Variants in PRKAR2B observed in about 807,000 individuals in gnomAD.
PRKAR2B encodes the protein protein kinase cAMP-dependent type II regulatory subunit beta.
Under a neutral mutation model 49.9 loss-of-function variants are expected in PRKAR2B, and 14 were observed. That is an observed-to-expected ratio of 0.28 (90% CI 0.19 to 0.44). The LOEUF (loss-of-function observed/expected upper bound fraction) is 0.44, where lower values mean the gene tolerates loss of function less well. PRKAR2B is among the 20% of genes least tolerant of loss of function. The pLI is 1.00. For synonymous variants in PRKAR2B, 196 were observed against 197.7 expected, an observed-to-expected ratio of 0.99 and a Z score of 0.07; for missense variants, 393 against 537.9, an observed-to-expected ratio of 0.73 and a Z score of 2.67.
intron 1 of PRKAR2B, 175 bp from the exon 2 acceptor site, chr7:107,070,106 A>G (rs1265118457): frequency 1.7e-5 from 8 of 477,816 alleles, no homozygotes; most frequent in South Asian, 3.0e-5. Flanking sequence ...ATTTATATTT[A>G]TTTGATTATT....
intron 5 of PRKAR2B, 136 bp downstream of exon 5, chr7:107,141,089 G>A (rs1795783324): frequency 1.7e-6 from 1 of 580,760 alleles, no homozygotes; most frequent in Non-Finnish European, 3.0e-6. Context: ...AATAGGCACT[G>A]TAAACCTGTT....
At chr7:107,127,491 C>T (rs1173571211) in intron 3 of PRKAR2B, among the ~76,000 whole-genome samples, 1 of 152,254 alleles carries the variant, frequency 6.6e-6, no homozygotes, top group Non-Finnish European at 1.5e-5. Flanking sequence ...TTCTGCCACT[C>T]TTCACACTCT....
chr7:107,108,277 A>G (rs977970940), intron 2 of PRKAR2B, among the ~76,000 whole-genome samples: 11 of 152,232 alleles, frequency 7.2e-5, no homozygotes, highest in African/African-American at 2.7e-4. Flanking sequence ...AGAGGATTCA[A>G]AACAGACTAG....
chr7:107,067,448 T>C (rs1170263498), intron 1 of PRKAR2B: 1 of 152,202 alleles, frequency 6.6e-6, no homozygotes, highest in Non-Finnish European at 1.5e-5. Context: ...TCTTCTTAAC[T>C]GTCCAATCCT....
chr7:107,059,887 C>A (rs750136801), intron 1 of PRKAR2B, among the ~76,000 whole-genome samples: 11 of 151,922 alleles, frequency 7.2e-5, no homozygotes, highest in Non-Finnish European at 1.3e-4. Context: ...ATGCTCTCAG[C>A]GTGATAGCTT....
chr7:107,153,773 G>A (rs779606859), intron 8 of PRKAR2B, among the ~76,000 whole-genome samples: 1 of 152,214 alleles, frequency 6.6e-6, no homozygotes, highest in Non-Finnish European at 1.5e-5. Flanking sequence ...CTGGGTTGGA[G>A]TAGGGCTACC....
intron 1 of PRKAR2B, among the ~76,000 whole-genome samples, chr7:107,060,863 T>C (rs1439869507): frequency 6.6e-6 from 1 of 152,194 alleles, no homozygotes; most frequent in African/African-American, 2.4e-5. Flanking sequence ...GTAATCTCTT[T>C]ATTTTCCTGC....
chr7:107,095,617 C>G (rs914058152), intron 2 of PRKAR2B, among the ~76,000 whole-genome samples: 1 of 152,160 alleles, frequency 6.6e-6, no homozygotes, highest in Non-Finnish European at 1.5e-5. Context: ...TTTGCCCATT[C>G]AGTATGATAT....
intron 1 of PRKAR2B, among the ~76,000 whole-genome samples, chr7:107,059,580 G>A (rs912990662): frequency 6.6e-6 from 1 of 152,038 alleles, no homozygotes; most frequent in East Asian, 1.9e-4. Flanking sequence ...TAGTTCTCTA[G>A]TTCATTTATT....
intron 2 of PRKAR2B, among the ~76,000 whole-genome samples, chr7:107,118,611 T>G (rs546159911): frequency 2.0e-5 from 3 of 152,254 alleles, no homozygotes; most frequent in Admixed American, 1.3e-4. Context: ...TGCAGTGTGG[T>G]AAATGACAAT....
intron 2 of PRKAR2B, among the ~76,000 whole-genome samples, chr7:107,111,806 C>T (rs905201445): frequency 6.6e-6 from 1 of 151,308 alleles, no homozygotes; most frequent in African/African-American, 2.4e-5. Flanking sequence ...CTAAACTGAC[C>T]CCTCTGTTCC....
At chr7:107,142,496 G>T (rs780918179) in intron 5 of PRKAR2B, among the ~76,000 whole-genome samples, 1 of 152,186 alleles carries the variant, frequency 6.6e-6, no homozygotes, top group African/African-American at 2.4e-5. Flanking sequence ...TAACCATTTA[G>T]TGGGGATTTT....
chr7:107,065,330 G>A lies in PRKAR2B; in HGVS notation c.308-4951G>A, dbSNP rs1271898508. On this transcript the variant is annotated intron_variant, in intron 1 of 10. Transcript: ENST00000265717. ...TTGCTCGGGGTGTGTGTATGTGTGTGTGTGTGTGTGTGTGTGTGTGTGTGT... is the reference window on the plus strand; with the variant it reads ...TTGCTCGGGGTGTGTGTATGTGTGTATGTGTGTGTGTGTGTGTGTGTGTGT... 0.011 allele frequency among the ~76,000 whole-genome samples: 175 copies of A among 16,168 alleles called. 4 individuals are homozygous for A. In the African/African-American group the frequency reaches 0.11, roughly 10 times the overall value. The allele number at this position is 16,168 out of a possible 152,430, so 10.6% of individuals were successfully genotyped here.
intron 5 of PRKAR2B, among the ~76,000 whole-genome samples, chr7:107,144,349 G>A (rs1449631513): frequency 6.6e-6 from 1 of 151,856 alleles, no homozygotes; most frequent in Non-Finnish European, 1.5e-5. Flanking sequence ...GCCTCCTAAA[G>A]TTCTGGGATT....
chr7:107,122,066 A>G, intron 3 of PRKAR2B, 62 bp downstream of exon 3: 1 of 1,148,738 alleles, frequency 8.7e-7, no homozygotes. Context: ...TAAGGAAAAT[A>G]ATCATAGAAA....
chr7:107,123,310 GTGTT>G (rs1795421662), intron 3 of PRKAR2B, among the ~76,000 whole-genome samples: 1 of 152,202 alleles, frequency 6.6e-6, no homozygotes, highest in South Asian at 2.1e-4. Flanking sequence ...GGTAAATAAA[GTGTT>G]TTGGCAGGTT....
chr7:107,054,195 C>G (rs951872658), intron 1 of PRKAR2B, among the ~76,000 whole-genome samples: 11 of 151,848 alleles, frequency 7.2e-5, no homozygotes, highest in African/African-American at 2.7e-4. Context: ...TAAAAATACA[C>G]ACAAAAAAAT....
chr7:107,106,939 G>C (rs1397841058), intron 2 of PRKAR2B, among the ~76,000 whole-genome samples: 2 of 152,156 alleles, frequency 1.3e-5, no homozygotes, highest in Non-Finnish European at 2.9e-5. Context: ...CTTAAGTCAA[G>C]ATCCTGATAA....
intron 1 of PRKAR2B, chr7:107,066,929 C>A (rs1000521879): frequency 6.6e-6 from 1 of 152,194 alleles, no homozygotes; most frequent in Non-Finnish European, 1.5e-5. Context: ...ATTTTACTCT[C>A]CATATATCAC....
Sources: allele counts gnomAD v4.1 joint callset (sites outside exome capture counted in the v4.1 genomes callset), GRCh38; gene constraint gnomAD v4.1.1; transcripts MANE v1.5; gene names NCBI Gene and HGNC (gene_info 2026-07-23, HGNC 2026-07-21).